The following LZTFL1 variants were observed in gnomAD, a reference collection of about 807,000 sequenced individuals.
The protein encoded by LZTFL1 is leucine zipper transcription factor like 1, also known as leucine zipper transcription factor-like protein 1.
A neutral mutation model predicts 45.9 loss-of-function variants in LZTFL1; 25 were observed. That is an observed-to-expected ratio of 0.54 (90% confidence interval 0.40 to 0.76). LZTFL1 has a LOEUF of 0.76. LZTFL1 is among the 30% of genes least tolerant of loss of function. LZTFL1 has a pLI of 0.00. For synonymous variants in LZTFL1, 93 were observed against 117.4 expected (o/e 0.79, Z 1.35); for missense variants, 277 against 331.1 (o/e 0.84, Z 1.27).
In LZTFL1 at chr3:45,826,259, A is replaced by T; in HGVS notation, c.*55T>A. 1 of 1,519,866 alleles carries T rather than the reference A, an allele frequency of 6.6e-7. No individual in the cohort carries two copies. Among genetic ancestry groups the T allele is most frequent in the East Asian group, 2.3e-5 (1 of 44,218 alleles). The allele number at this position is 1,519,866 out of a possible 1,614,324, so 94.1% of individuals were successfully genotyped here. A position where few individuals can be genotyped will look rare whatever the true frequency, so the allele number is the denominator to read the frequency against. ...AAATGCTTTTCAAAATACATGCCTG[A>T]GGTGAGACTGCTTGTATGTTTGCAT... On this transcript the variant is annotated 3_prime_UTR_variant, in exon 10 of 10. Coordinates refer to ENST00000296135, the MANE Select transcript of LZTFL1 (RefSeq NM_020347.4).
At chr3:45,856,718 TG>T (rs1393343771) in intron 3 of LZTFL1, among the ~76,000 whole-genome samples, 5 of 151,868 alleles carry the variant, frequency 3.3e-5, no homozygotes, top group African/African-American at 4.8e-5. Context: ...GCAAAAGACA[TG>T]AACAGACACG....
At position 45,914,484 on chromosome 3, in the gene LZTFL1, G is replaced by C. The variant is rs193146245; in HGVS notation, c.-273+937C>G. On this transcript the variant is annotated intron_variant, in intron 1 of 4. Coordinates refer to the LZTFL1 transcript ENST00000472635. ...AGACGGGGTCTCCCTATGTTATGCAGGTTGGCCTTGAACTCCTGGCCTCAA... is the reference window on the plus strand; with the variant it reads ...AGACGGGGTCTCCCTATGTTATGCACGTTGGCCTTGAACTCCTGGCCTCAA... Among the ~76,000 whole-genome samples, 9 of 152,170 alleles carry C rather than the reference G, an allele frequency of 5.9e-5. No homozygotes were observed. The South Asian group carries it at 1.0e-3, about 18-fold the overall frequency.
intron 4 of LZTFL1, among the ~76,000 whole-genome samples, chr3:45,853,596 G>C (rs1177991787): frequency 6.6e-6 from 1 of 152,030 alleles, no homozygotes; most frequent in Non-Finnish European, 1.5e-5. Flanking sequence ...CTTGTCCAGG[G>C]TTAACTAGAT....
intron 2 of LZTFL1, among the ~76,000 whole-genome samples, chr3:45,897,011 C>A (rs1702377318): frequency 1.3e-5 from 2 of 152,206 alleles, no homozygotes; most frequent in Non-Finnish European, 2.9e-5. Flanking sequence ...AACTGGGACG[C>A]CTGGGCTGCT....
Position 45,890,258 on chromosome 3 carries a change from A to AATATATATATATATTTATATAT in LZTFL1, c.-215+22861_-215+22862insATATATAAATATATATATATAT, listed in dbSNP as rs1702107893. On this transcript the variant is annotated intron_variant, in intron 2 of 4. Coordinates refer to the LZTFL1 transcript ENST00000472635. ...GGTGACATAAGCCCTGGGTATTAGA[A>AATATATATATATATTTATATAT]ATATATATATAACATATATATATAT... Among the ~76,000 whole-genome samples, 2 of 42,300 alleles carry AATATATATATATATTTATATAT rather than the reference A, an allele frequency of 4.7e-5. 1 individual carries two copies. The highest frequency in any genetic ancestry group is 6.8e-5 in the Non-Finnish European group (2 of 29,312). The allele number at this position is 42,300 out of a possible 152,430, so 27.8% of individuals were successfully genotyped here.
At chr3:45,836,850 G>T (rs1328887035) in intron 2 of LZTFL1, among the ~76,000 whole-genome samples, 2 of 152,192 alleles carry the variant, frequency 1.3e-5, no homozygotes, top group African/African-American at 4.8e-5. Flanking sequence ...TCTGGGCAAA[G>T]GATTCATGCC....
At chr3:45,913,080 G>A (rs895284613) in intron 2 of LZTFL1, 18 of 1,525,628 alleles carry the variant, frequency 1.2e-5, no homozygotes, top group Middle Eastern at 1.7e-4. Context: ...TCAGCATAAC[G>A]CAGTAGCAGT....
At chr3:45,908,130 C>T (rs919536687) in intron 2 of LZTFL1, among the ~76,000 whole-genome samples, 2 of 152,112 alleles carry the variant, frequency 1.3e-5, no homozygotes, top group Non-Finnish European at 2.9e-5. Flanking sequence ...CTCCTTGAAT[C>T]TGGGTGGGCT....
chr3:45,890,894 T>C (rs936998994), intron 2 of LZTFL1, among the ~76,000 whole-genome samples: 3 of 152,190 alleles, frequency 2.0e-5, no homozygotes, highest in African/African-American at 7.2e-5. Flanking sequence ...TGTTTAATGA[T>C]GAAAGAAATG....
At position 45,826,293 on chromosome 3, in the gene LZTFL1, T is replaced by C. The variant is rs1162738902; in HGVS notation, c.*21A>G. 3 of 1,610,926 alleles carry C rather than the reference T, an allele frequency of 1.9e-6. No individual in the cohort carries two copies. Among genetic ancestry groups the C allele is most frequent in the African/African-American group, 2.7e-5 (2 of 74,872 alleles). On this transcript the variant is annotated 3_prime_UTR_variant, in exon 10 of 10. Transcript: ENST00000296135. ...TGCTTGTATGTTTGCATGTGGTAGC[T>C]TCCAGAGGAAATCTTCAGTTTTAAT...
upstream of LZTFL1, chr3:45,842,237 A>G: frequency 7.7e-7 from 1 of 1,291,390 alleles, no homozygotes; most frequent in Non-Finnish European, 1.0e-6. Context: ...ATTGGCTTCC[A>G]GGGCCGGAAG....
chr3:45,895,092 C>CCAG, intron 2 of LZTFL1: 1 of 907,218 alleles, frequency 1.1e-6, no homozygotes, highest in Non-Finnish European at 1.8e-6. Context: ...TGGCAATGCG[C>CCAG]ATTGCTGGGT....
chr3:45,899,623 G>A (rs1177414632), intron 2 of LZTFL1, among the ~76,000 whole-genome samples: 1 of 152,184 alleles, frequency 6.6e-6, no homozygotes, highest in South Asian at 2.1e-4. Context: ...GGGAGTGAGA[G>A]CTGGTAGTCC....
At chr3:45,844,992 C>T (rs1701194925), upstream of LZTFL1, among the ~76,000 whole-genome samples, 1 of 152,122 alleles carries the variant, frequency 6.6e-6, no homozygotes, top group Non-Finnish European at 1.5e-5. Context: ...ATTAACAACA[C>T]CCCAAAGGGA....
At chr3:45,840,060 A>C (rs1475332603) in intron 1 of LZTFL1, among the ~76,000 whole-genome samples, 1 of 152,140 alleles carries the variant, frequency 6.6e-6, no homozygotes, top group Non-Finnish European at 1.5e-5. Context: ...GGCATGAACC[A>C]TTTCTTATAA....
intron 2 of LZTFL1, among the ~76,000 whole-genome samples, chr3:45,879,546 G>A (rs1243775993): frequency 2.0e-5 from 3 of 152,150 alleles, no homozygotes; most frequent in Admixed American, 2.0e-4. Context: ...GGATCCTTAG[G>A]GCAATGAAAC....
chr3:45,827,287 C>T (rs1700693013), intron 9 of LZTFL1, 69 bp downstream of exon 9: 1 of 1,202,650 alleles, frequency 8.3e-7, no homozygotes, highest in Middle Eastern at 1.9e-4. Flanking sequence ...CTGGAACAAG[C>T]TTAGATTTAA....
Position 45,854,123 on chromosome 3 carries a change from C to T in LZTFL1, c.-49+863G>A, listed in dbSNP as rs193264252. On this transcript the variant is annotated intron_variant, in intron 4 of 4. Transcript: ENST00000472635. ...CTCCTTTCTGTGGTTTCTTGCTGTC[C>T]ATGTTTGGCTCCTCTGCTACACACC... Among the ~76,000 whole-genome samples the T allele has an allele frequency of 2.0e-5, 3 of 152,290 alleles. No individual in the cohort carries two copies. In the East Asian group the frequency reaches 5.8e-4, roughly 29 times the overall value.
Position 45,901,060 on chromosome 3 carries a change from C to A in LZTFL1, c.-215+12060G>T. ...ACCGACATGTTCCTTTTGAATTTGG[C>A]AATTGCTGACCTCCTCTTTCTTGTC... is the stretch of plus-strand genomic sequence containing the variant. On this transcript the variant is annotated intron_variant, in intron 2 of 4. Transcript: ENST00000472635. This position sits in a 1 kb window ranked among gnomAD's most constrained non-coding sequence, Gnocchi z 4.3. 1.2e-6 allele frequency: 2 copies of A among 1,614,182 alleles called. No individual in the cohort carries two copies. Among genetic ancestry groups the A allele is most frequent in the East Asian group, 2.2e-5 (1 of 44,880 alleles).
Sources: allele counts gnomAD v4.1 joint callset (sites outside exome capture counted in the v4.1 genomes callset), GRCh38; gene constraint gnomAD v4.1.1; non-coding constraint Gnocchi (gnomAD v3.1); transcripts MANE v1.5; gene names NCBI Gene and HGNC (gene_info 2026-07-23, HGNC 2026-07-21).